Variants in TLN2 observed in about 807,000 individuals in gnomAD.
The protein encoded by TLN2 is talin 2.
In TLN2, 118 loss-of-function variants were observed where a neutral mutation model predicts 294.7. The observed-to-expected ratio is 0.40, with a 90% CI of 0.34 to 0.47. The LOEUF (loss-of-function observed/expected upper bound fraction) is 0.47, where lower values mean the gene tolerates loss of function less well. Ranked by LOEUF, TLN2 falls within the 20% of genes least tolerant of loss-of-function variation. The pLI, the probability that TLN2 is intolerant of heterozygous loss-of-function variation, is 0.84. For synonymous variants in TLN2, 1,431 were observed against 1,304.5 expected (o/e 1.10, Z -2.09); for missense variants, 3,083 against 3,282.2 (o/e 0.94, Z 1.48).
In TLN2 at chr15:62,833,628, A is replaced by C. The variant is rs1384402548; in HGVS notation, c.7127A>C (p.Lys2376Thr). ...CAGAGGGAGCTGGTGGCCCAAGGAA[A>C]GGTGGGTAAAGCCGCTGACCACATG... ...AAQRELVAQG[K>T]VGSIPANAAD... is the part of the protein sequence containing the mutation. Residue 2376 changes from lysine to threonine, a missense_variant and splice_region_variant, in exon 55 of 59, where the codon AAG becomes ACG. By Grantham distance (78) the Lys-to-Thr change is moderately conservative. Coordinates refer to ENST00000636159, the MANE Select transcript of TLN2 (RefSeq NM_015059.3). The C allele has an allele frequency of 6.2e-7, 1 of 1,613,866 alleles. No homozygotes were observed.
intron 48 of TLN2, among the ~76,000 whole-genome samples, chr15:62,799,979 C>A (rs1045898264): frequency 5.9e-5 from 9 of 152,182 alleles, no homozygotes; most frequent in Non-Finnish European, 5.9e-5. Context: ...GTTGTGGGGC[C>A]TTGAGGGCTG....
chr15:62,472,709 G>A (rs1034556313), intron 1 of TLN2, among the ~76,000 whole-genome samples: 2 of 152,204 alleles, frequency 1.3e-5, no homozygotes, highest in East Asian at 3.9e-4. Context: ...GGTCAAAATA[G>A]TAGTGGTGAG....
Position 62,581,493 on chromosome 15 carries a change from GCTTTGTGCT to G in TLN2, c.-237-8189_-237-8181del, listed in dbSNP as rs538922104. 1.4e-4 allele frequency among the ~76,000 whole-genome samples: 22 copies of G among 152,202 alleles called. No individual in the cohort carries two copies. In the East Asian group the frequency reaches 4.3e-3, roughly 29 times the overall value. The stretch of plus-strand genomic sequence containing the variant: ...GGTTCTACTGTTGGTATTCTTTGTG[GCTTTGTGCT>G]CTTTTAAAGGGTCCAAGTTGGAATG... On this transcript the variant is annotated intron_variant, in intron 1 of 58. Transcript: ENST00000636159.
chr15:62,702,520 C>G (rs146278462), intron 18 of TLN2, among the ~76,000 whole-genome samples: 126 of 152,294 alleles, frequency 8.3e-4, no homozygotes, highest in Middle Eastern at 3.4e-3. Context: ...ACCTTCTTAC[C>G]AAATGAACAA....
intron 3 of TLN2, among the ~76,000 whole-genome samples, chr15:62,639,075 A>G (rs750403674): frequency 1.9e-4 from 29 of 152,158 alleles, no homozygotes; most frequent in Non-Finnish European, 3.8e-4. Context: ...GAGTGTTATG[A>G]AGTCCACAGA....
chr15:62,764,742 G>C (rs2062887191), intron 40 of TLN2, among the ~76,000 whole-genome samples: 2 of 152,014 alleles, frequency 1.3e-5, no homozygotes, highest in Admixed American at 1.3e-4. Context: ...TGAGGCGGAT[G>C]GATCACTTGA....
At chr15:62,580,635 T>A (rs2044881237) in intron 1 of TLN2, among the ~76,000 whole-genome samples, 1 of 152,078 alleles carries the variant, frequency 6.6e-6, no homozygotes, top group South Asian at 2.1e-4. Flanking sequence ...AGTCTCTAAC[T>A]CCTGAGTTCA....
At chr15:62,420,126 C>T in intron 1 of TLN2, among the ~76,000 whole-genome samples, 1 of 152,164 alleles carries the variant, frequency 6.6e-6, no homozygotes, top group Non-Finnish European at 1.5e-5. Context: ...TGCTGACTTA[C>T]TTTATAGTAG....
At chr15:62,723,290 A>G (rs775131276) in intron 26 of TLN2, among the ~76,000 whole-genome samples, 1 of 152,188 alleles carries the variant, frequency 6.6e-6, no homozygotes, top group South Asian at 2.1e-4. Context: ...TCTCAAAGAG[A>G]GCTCGTGGTA....
Position 62,844,556 on chromosome 15 carries a change from A to ATC in TLN2, c.*3947_*3948dup, listed in dbSNP as rs2071016503. On this transcript the variant is annotated 3_prime_UTR_variant, in exon 59 of 59. Coordinates refer to ENST00000636159, the MANE Select transcript of TLN2 (RefSeq NM_015059.3). ...TCAGCTCTGCCCTGTGTCGTATCTA[A>ATC]TCACATACATTAATTTATCTAACCA... 6.6e-6 allele frequency: 1 copy of ATC among 152,172 alleles called. No homozygotes were observed. Among genetic ancestry groups the ATC allele is most frequent in the Non-Finnish European group, 1.5e-5 (1 of 68,044 alleles). The allele number at this position is 152,172 out of a possible 1,614,324, so 9.4% of individuals were successfully genotyped here. A position where few individuals can be genotyped will look rare whatever the true frequency, so the allele number is the denominator to read the frequency against.
chr15:62,755,932 T>G (rs945137545), intron 37 of TLN2, among the ~76,000 whole-genome samples: 1 of 152,170 alleles, frequency 6.6e-6, no homozygotes, highest in African/African-American at 2.4e-5. Context: ...CTCCCCAAAT[T>G]CTGTACATGA....
At chr15:62,644,405 C>G (rs187957173) in intron 3 of TLN2, 2 of 434,172 alleles carry the variant, frequency 4.6e-6, no homozygotes, top group Admixed American at 2.5e-5. Flanking sequence ...CATTACTGCT[C>G]TCCCTCACTC....
intron 1 of TLN2, among the ~76,000 whole-genome samples, chr15:62,439,053 T>G (rs1447619427): frequency 6.6e-6 from 1 of 152,248 alleles, no homozygotes; most frequent in Non-Finnish European, 1.5e-5. Context: ...TGGTTGTAAA[T>G]ATATGCATTA....
chr15:62,529,459 A>G lies in TLN2; in HGVS notation c.-237-60228A>G, dbSNP rs968558457. Among the ~76,000 whole-genome samples the G allele has an allele frequency of 7.9e-5, 12 of 152,046 alleles. No homozygotes were observed. In the South Asian group the frequency reaches 1.3e-3, roughly 16 times the overall value. On this transcript the variant is annotated intron_variant, in intron 1 of 58. Transcript: ENST00000636159. ...GAAATAGGAGAGAACTCGTATTGCA[A>G]CTTTACACTCAGGTGGTCTCTCGTG...
At position 62,707,182 on chromosome 15, in the gene TLN2, C is replaced by G. The variant is rs780645333; in HGVS notation, c.2101C>G (p.Leu701Val). The G allele has an allele frequency of 4.0e-5, 64 of 1,614,100 alleles. No individual in the cohort carries two copies. The highest frequency in any genetic ancestry group is 5.2e-5 in the Non-Finnish European group (61 of 1,180,050). The change falls in exon 20 of 59, where the codon CTA (leucine) becomes GTA (valine). Residue 701 changes from leucine (L) to valine (V), a missense_variant. Coordinates refer to ENST00000636159, the MANE Select transcript of TLN2 (RefSeq NM_015059.3). ...NVAQVAEDTVLQNRVIAAATQ... is the reference protein window; with the variant it reads ...NVAQVAEDTVVQNRVIAAATQ... ...TGCCCAAGTGGCCGAAGACACTGTC[C>G]TACAGAACAGGGTAATTGCTGCTGC...
chr15:62,656,415 GC>G (rs1174513463), intron 8 of TLN2, among the ~76,000 whole-genome samples: 2 of 152,182 alleles, frequency 1.3e-5, no homozygotes, highest in African/African-American at 2.4e-5. Context: ...AGGTTTCTTA[GC>G]TGGCATCTTA....
intron 22 of TLN2, among the ~76,000 whole-genome samples, chr15:62,714,289 G>A (rs1162306500): frequency 7.2e-6 from 1 of 138,540 alleles, no homozygotes; most frequent in African/African-American, 2.7e-5. Context: ...TGCAAGCTCT[G>A]CCTCCTGGGT....
At chr15:62,573,979 C>G (rs781748221) in intron 1 of TLN2, among the ~76,000 whole-genome samples, 1 of 151,986 alleles carries the variant, frequency 6.6e-6, no homozygotes, top group African/African-American at 2.4e-5. Context: ...GAGTCAAAGG[C>G]GGGGAAAAGA....
In TLN2 at chr15:62,602,441, A is replaced by G. The variant is rs373678059; in HGVS notation, c.-162+12679A>G. 7.9e-5 allele frequency among the ~76,000 whole-genome samples: 12 copies of G among 152,026 alleles called. No individual in the cohort carries two copies. In the East Asian group the frequency reaches 9.6e-4, roughly 12 times the overall value. ...ATGTTTTTAGAGGTTCCTTTTTTCA[A>G]TTTCAATTTTAAATAATTATGTACA... On this transcript the variant is annotated intron_variant, in intron 2 of 58. Transcript: ENST00000636159.
Sources: allele counts gnomAD v4.1 joint callset (sites outside exome capture counted in the v4.1 genomes callset), GRCh38; gene constraint gnomAD v4.1.1; transcripts MANE v1.5; gene names NCBI Gene and HGNC (gene_info 2026-07-23, HGNC 2026-07-21).